The following MALRD1 variants were observed in gnomAD, a reference collection of about 807,000 sequenced individuals.
The protein encoded by MALRD1 is MAM and LDL receptor class A domain containing 1.
A neutral mutation model predicts 242.1 loss-of-function variants in MALRD1; 247 were observed. The observed-to-expected ratio is 1.02, with a 90% CI of 0.92 to 1.13. The LOEUF is 1.13. Ranked by LOEUF, MALRD1 falls within the 50% of genes most tolerant of loss-of-function variation. The pLI is 0.00. For synonymous variants in MALRD1, 995 were observed against 866.6 expected (o/e 1.15, Z -2.60); for missense variants, 2,989 against 2,533.1 (o/e 1.18, Z -3.86).
chr10:19,511,724 T>C (rs938530074), intron 31 of MALRD1, among the ~76,000 whole-genome samples: 2 of 152,192 alleles, frequency 1.3e-5, no homozygotes, highest in African/African-American at 4.8e-5. Flanking sequence ...TCTAAGATCA[T>C]GTAGGGATAT....
chr10:19,189,984 A>G (rs1193727700), intron 14 of MALRD1, among the ~76,000 whole-genome samples: 1 of 152,118 alleles, frequency 6.6e-6, no homozygotes, highest in Non-Finnish European at 1.5e-5. Context: ...AAACATAACA[A>G]AAAAGAAAAT....
chr10:19,507,919 C>A (rs10827505), intron 31 of MALRD1, among the ~76,000 whole-genome samples: 67,567 of 151,916 alleles, frequency 0.44, 15,965 homozygotes, highest in Non-Finnish European at 0.53. Context: ...TTTTTGAAGC[C>A]CATTTTTTTG....
chr10:19,210,387 C>T (rs2245223), intron 18 of MALRD1, among the ~76,000 whole-genome samples: 112,038 of 152,170 alleles, frequency 0.74, 41,505 homozygotes, highest in South Asian at 0.84. Context: ...CCTGGCCAAA[C>T]AGCTTATGGG....
In MALRD1 at chr10:19,539,926, AGT is replaced by A. The variant is rs1190666145; in HGVS notation, c.5478+8577_5478+8578del. On this transcript the variant is annotated intron_variant, in intron 32 of 39. Transcript: ENST00000454679. The stretch of plus-strand genomic sequence containing the variant: ...CGCGCGCGTGCGCGCACACACGCGC[AGT>A]GATGGGGTTTTGCCATGTTGCCCAG... 2.7e-3 allele frequency among the ~76,000 whole-genome samples: 343 copies of A among 128,478 alleles called. 1 individual carries two copies. The highest frequency in any genetic ancestry group is 9.5e-3 in the Middle Eastern group (2 of 210). The allele number at this position is 128,478 out of a possible 152,430, so 84.3% of individuals were successfully genotyped here.
intron 25 of MALRD1, 96 bp downstream of exon 25, chr10:19,348,114 G>C (rs1844213208): frequency 3.6e-6 from 5 of 1,402,448 alleles, no homozygotes; most frequent in Non-Finnish European, 4.7e-6. Context: ...GCTGGGGCCA[G>C]AGAAAAGATG....
intron 1 of MALRD1, among the ~76,000 whole-genome samples, chr10:19,054,033 A>C (rs1459186143): frequency 3.9e-5 from 6 of 152,148 alleles, no homozygotes. Context: ...AGTGTTGATG[A>C]GAATCCCTCT....
At chr10:19,465,290 T>C (rs1255731918) in intron 29 of MALRD1, among the ~76,000 whole-genome samples, 1 of 152,154 alleles carries the variant, frequency 6.6e-6, no homozygotes, top group Non-Finnish European at 1.5e-5. Flanking sequence ...CTTGTTACGG[T>C]TCTCAAAGGG....
chr10:19,437,355 G>A (rs1834390382), intron 28 of MALRD1, among the ~76,000 whole-genome samples: 2 of 151,968 alleles, frequency 1.3e-5, no homozygotes, highest in South Asian at 4.2e-4. Context: ...CCCTGACACT[G>A]ATATGATTTT....
At position 19,124,690 on chromosome 10, in the gene MALRD1, C is replaced by G; in HGVS notation, c.943+20C>G. On this transcript the variant is annotated intron_variant, in intron 7 of 39. Transcript: ENST00000454679. ...ATGAAGGTAGAAAAAAAAATAATAT[C>G]TTTTATGTATTACTTTCAGAATTCT... 1 of 1,232,896 alleles carries G rather than the reference C, an allele frequency of 8.1e-7. No homozygotes were observed. Among genetic ancestry groups the G allele is most frequent in the Non-Finnish European group, 1.0e-6 (1 of 987,718 alleles). The allele number at this position is 1,232,896 out of a possible 1,614,324, so 76.4% of individuals were successfully genotyped here.
chr10:19,237,304 T>G (rs766296218), intron 18 of MALRD1, among the ~76,000 whole-genome samples: 15 of 151,168 alleles, frequency 9.9e-5, no homozygotes, highest in Middle Eastern at 3.4e-3. Context: ...CACTTCTTCC[T>G]CACTGTTTGG....
chr10:19,310,182 A>G (rs920307508), intron 21 of MALRD1, among the ~76,000 whole-genome samples: 1 of 151,480 alleles, frequency 6.6e-6, no homozygotes, highest in African/African-American at 2.4e-5. Flanking sequence ...GAGTAGGGTC[A>G]TAAAAGAGAC....
At chr10:19,187,250 A>G (rs146575510) in intron 14 of MALRD1, among the ~76,000 whole-genome samples, 74 of 152,254 alleles carry the variant, frequency 4.9e-4, no homozygotes, top group African/African-American at 1.7e-3. Flanking sequence ...GACCCTTATA[A>G]TGAGTGAATA....
intron 28 of MALRD1, among the ~76,000 whole-genome samples, chr10:19,400,319 G>A (rs922350290): frequency 1.3e-5 from 2 of 152,126 alleles, no homozygotes; most frequent in African/African-American, 4.8e-5. Context: ...TCTTGGCACT[G>A]GAACCTCTCT....
At chr10:19,272,878 T>C (rs1327714322) in intron 19 of MALRD1, among the ~76,000 whole-genome samples, 1 of 152,218 alleles carries the variant, frequency 6.6e-6, no homozygotes, top group Non-Finnish European at 1.5e-5. Flanking sequence ...TTTTTATGGC[T>C]GCATAGTATT....
chr10:19,086,083 A>G lies in MALRD1; in HGVS notation c.341-1757A>G, dbSNP rs146561917. ...CGCTCTTCATCTAAATTGTGTTTAC[A>G]TAATAATTCCAGTAAGTATATTCTT... On this transcript the variant is annotated intron_variant, in intron 2 of 39. Transcript: ENST00000454679. 1.7e-4 allele frequency among the ~76,000 whole-genome samples: 26 copies of G among 152,184 alleles called. No homozygotes were observed. In the East Asian group the frequency reaches 2.1e-3, roughly 12 times the overall value.
chr10:19,134,036 A>T (rs1023924795), intron 9 of MALRD1, 88 bp downstream of exon 9: 1 of 531,792 alleles, frequency 1.9e-6, no homozygotes, highest in African/African-American at 2.0e-5. Flanking sequence ...GCTAAAGTTA[A>T]ATTAGCAGTT....
At chr10:19,109,161 G>C (rs1836583830) in intron 5 of MALRD1, among the ~76,000 whole-genome samples, 1 of 152,176 alleles carries the variant, frequency 6.6e-6, no homozygotes, top group Admixed American at 6.5e-5. Context: ...ATTGGCTCAG[G>C]TTATAGGAGT....
rs971934112 is a variant in MALRD1, at chr10:19,262,835, G to T, written c.3079+5064G>T. On this transcript the variant is annotated intron_variant, in intron 19 of 39. Transcript: ENST00000454679. The stretch of plus-strand genomic sequence containing the variant: ...CCTCTGCTAACTACCTCTGTACTCT[G>T]TTCTGTGAGTTCAACTTTTAGATTC... 3.3e-5 allele frequency among the ~76,000 whole-genome samples: 5 copies of T among 151,976 alleles called. No individual in the cohort carries two copies. In the East Asian group the frequency reaches 9.7e-4, roughly 29 times the overall value.
At chr10:19,217,854 C>G (rs1490006968) in intron 18 of MALRD1, among the ~76,000 whole-genome samples, 1 of 152,090 alleles carries the variant, frequency 6.6e-6, no homozygotes, top group Non-Finnish European at 1.5e-5. Context: ...TACTTGTTTA[C>G]TTGCCTGTGA....
Sources: gnomAD v4.1 joint callset for allele counts (sites outside exome capture counted in the v4.1 genomes callset) on GRCh38, gnomAD v4.1.1 for gene constraint, MANE v1.5 for transcripts, NCBI Gene and HGNC (gene_info 2026-07-23, HGNC 2026-07-21) for gene names.